The following MRE11 variants were observed in gnomAD, a reference collection of about 807,000 sequenced individuals.
MRE11 encodes the protein double-strand break repair protein MRE11.
A neutral mutation model predicts 91.7 loss-of-function variants in MRE11; 62 were observed. That is an observed-to-expected ratio of 0.68 (90% confidence interval 0.55 to 0.84). The LOEUF (loss-of-function observed/expected upper bound fraction) is 0.84. Among genes scored for constraint, MRE11 ranks in the 40% least tolerant of loss-of-function variants. The probability of loss-of-function intolerance (pLI) is 0.00; values close to 1 mark genes in which losing one functional copy is unlikely to be tolerated. For missense variants in MRE11, 796 were observed against 852.9 expected, an observed-to-expected ratio of 0.93 and a Z score of 0.83; for synonymous variants, 273 against 271.4, an observed-to-expected ratio of 1.01 and a Z score of -0.06.
At chr11:94,441,977 C>CAAAAAAAAAAA (rs35673778) in intron 16 of MRE11, among the ~76,000 whole-genome samples, 5 of 48,202 alleles carry the variant, frequency 1.0e-4, no homozygotes, top group Non-Finnish European at 1.6e-4. Context: ...GACTCTGTCT[C>CAAAAAAAAAAA]AAAAAAAAAA....
chr11:94,447,094 A>G (rs1034005767), intron 15 of MRE11, 125 bp downstream of exon 15: 21 of 1,030,708 alleles, frequency 2.0e-5, no homozygotes, highest in Non-Finnish European at 2.6e-5. Context: ...ATATTATAAA[A>G]ATAGATTTTT....
upstream of MRE11, chr11:94,498,457 T>G: frequency 1.9e-6 from 3 of 1,613,948 alleles, no homozygotes; most frequent in Non-Finnish European, 2.5e-6. Flanking sequence ...CATTTGATAT[T>G]GCCAGGAGGA....
chr11:94,506,592 T>G, the MRE11 span, among the ~76,000 whole-genome samples: 1 of 148,158 alleles, frequency 6.7e-6, no homozygotes, highest in Non-Finnish European at 1.5e-5. Flanking sequence ...TTGCTTTTTT[T>G]GTTTTTTTTT....
intron 19 of MRE11, among the ~76,000 whole-genome samples, chr11:94,423,165 G>C (rs571362595): frequency 2.6e-5 from 4 of 152,328 alleles, no homozygotes; most frequent in African/African-American, 7.2e-5. Flanking sequence ...ACCAAGAGCT[G>C]ATAGAGAGGT....
chr11:94,448,557 G>A (rs1186568053), intron 14 of MRE11, among the ~76,000 whole-genome samples: 2 of 152,024 alleles, frequency 1.3e-5, no homozygotes, highest in Non-Finnish European at 2.9e-5. Context: ...GTTGCAGTGA[G>A]CTGAGATTGC....
chr11:94,455,299 T>C (rs547629724), intron 14 of MRE11, among the ~76,000 whole-genome samples: 35 of 152,278 alleles, frequency 2.3e-4, no homozygotes, highest in African/African-American at 7.5e-4. Flanking sequence ...AATAAATATC[T>C]TCCTTACACA....
rs79465287 is a variant in MRE11 at position 94,454,963 on chromosome 11, G to A, written c.1563+1313C>T. 9.6e-3 allele frequency among the ~76,000 whole-genome samples: 1,467 copies of A among 152,114 alleles called. 10 individuals carry two copies. Among genetic ancestry groups the A allele is most frequent in the Non-Finnish European group, 0.016 (1,074 of 67,980 alleles). On this transcript the variant is annotated intron_variant, in intron 14 of 19. Transcript: ENST00000323929. ...TAAGATAAATAGAAATATAATAAAC[G>A]TGTTAAGCCATTTCTAATCTATAGC...
At chr11:94,512,250 T>C in the MRE11 span, among the ~76,000 whole-genome samples, 1 of 152,196 alleles carries the variant, frequency 6.6e-6, no homozygotes, top group African/African-American at 2.4e-5. Context: ...TCTCTGGGAA[T>C]AGTAAAGCCT....
intron 15 of MRE11, 128 bp downstream of exon 15, chr11:94,447,090 TA>T: frequency 3.0e-6 from 3 of 1,007,690 alleles, no homozygotes; most frequent in Non-Finnish European, 3.0e-6. Flanking sequence ...TTATATATTA[TA>T]AAAATAGATT....
At chr11:94,504,250 T>TA in the MRE11 span, among the ~76,000 whole-genome samples, 57 of 152,312 alleles carry the variant, frequency 3.7e-4, no homozygotes, top group East Asian at 9.4e-3. Context: ...TAAGTTATAT[T>TA]TTTATGAAGT....
At chr11:94,450,392 T>C (rs879302701) in intron 14 of MRE11, among the ~76,000 whole-genome samples, 7 of 152,178 alleles carry the variant, frequency 4.6e-5, no homozygotes, top group Non-Finnish European at 8.8e-5. Context: ...CTAAATCACA[T>C]AATTAATAAG....
At chr11:94,451,565 C>A (rs1286427343) in intron 14 of MRE11, among the ~76,000 whole-genome samples, 1 of 151,996 alleles carries the variant, frequency 6.6e-6, no homozygotes, top group East Asian at 1.9e-4. Flanking sequence ...ATTATGAAAG[C>A]AAATAGAGAC....
intron 14 of MRE11, among the ~76,000 whole-genome samples, chr11:94,456,058 G>A (rs1329355792): frequency 2.6e-5 from 4 of 152,054 alleles, no homozygotes; most frequent in Non-Finnish European, 5.9e-5. Flanking sequence ...CACTGCACTT[G>A]CTAAACAGGT....
intron 9 of MRE11, among the ~76,000 whole-genome samples, chr11:94,468,195 C>G (rs767883146): frequency 6.6e-6 from 1 of 152,048 alleles, no homozygotes. Flanking sequence ...AACTTAAAAC[C>G]AAGTAAGTCT....
intron 4 of MRE11, among the ~76,000 whole-genome samples, chr11:94,484,183 G>A (rs1368353805): frequency 6.6e-6 from 1 of 152,042 alleles, no homozygotes; most frequent in Non-Finnish European, 1.5e-5. Flanking sequence ...AGTAAATTAT[G>A]ATAGTAATAA....
chr11:94,460,926 A>T lies in MRE11; in HGVS notation c.1326+10T>A. 6.2e-7 allele frequency: 1 copy of T among 1,606,586 alleles called. No homozygotes were observed. The highest frequency in any genetic ancestry group is 1.1e-5 in the South Asian group (1 of 90,870). ...AGCCATTATTCAAAATGTGAACTGT[A>T]AGAAATTACCTTCTCTGCGGTTTGA... On this transcript the variant is annotated intron_variant, in intron 12 of 19. Coordinates refer to ENST00000323929, the MANE Select transcript of MRE11 (RefSeq NM_005591.4).
intron 14 of MRE11, among the ~76,000 whole-genome samples, chr11:94,453,098 G>GT (rs911132920): frequency 3.1e-4 from 46 of 149,622 alleles, no homozygotes; most frequent in East Asian, 2.4e-3. Context: ...TTTTGCAACT[G>GT]TTTTTTTTTC....
At chr11:94,462,621 C>T (rs1022995875) in intron 11 of MRE11, among the ~76,000 whole-genome samples, 8 of 152,230 alleles carry the variant, frequency 5.3e-5, no homozygotes, top group Middle Eastern at 3.4e-3. Context: ...TCAGAAATAA[C>T]AATGCACATC....
At chr11:94,494,251 G>C (rs1156681392), upstream of MRE11, 1 of 152,300 alleles carries the variant, frequency 6.6e-6, no homozygotes, top group Non-Finnish European at 1.5e-5. Context: ...CTCCCGGCTG[G>C]TGGCAGAGTG....
Sources: allele counts gnomAD v4.1 joint callset (sites outside exome capture counted in the v4.1 genomes callset), GRCh38; gene constraint gnomAD v4.1.1; transcripts MANE v1.5; gene names NCBI Gene and HGNC (gene_info 2026-07-23, HGNC 2026-07-21).